Variants in DMGDH observed in about 807,000 individuals in gnomAD.
DMGDH encodes dimethylglycine dehydrogenase, mitochondrial.
In DMGDH, 76 loss-of-function variants were observed where a neutral mutation model predicts 95.2. That is an observed-to-expected ratio of 0.80 (90% confidence interval 0.66 to 0.97). The LOEUF (loss-of-function observed/expected upper bound fraction) is 0.97. Ranked by LOEUF, DMGDH falls within the 50% of genes least tolerant of loss-of-function variation. DMGDH has a pLI of 0.00. For missense variants in DMGDH, 987 were observed against 1,055.0 expected (o/e 0.94, Z 0.89); for synonymous variants, 345 against 377.6 (o/e 0.91, Z 1.00).
At chr5:79,066,198 T>C (rs547218928) in intron 1 of DMGDH, among the ~76,000 whole-genome samples, 17 of 152,342 alleles carry the variant, frequency 1.1e-4, no homozygotes, top group Non-Finnish European at 2.4e-4. Context: ...GGATTCTGTC[T>C]CTTTAATCCC....
intron 14 of DMGDH, among the ~76,000 whole-genome samples, chr5:79,017,389 A>G (rs1753754079): frequency 6.6e-6 from 1 of 152,234 alleles, no homozygotes. Flanking sequence ...TAGAAATGGC[A>G]GGGAGGCACA....
intron 2 of DMGDH, among the ~76,000 whole-genome samples, chr5:79,057,365 T>C (rs1229419084): frequency 6.6e-6 from 1 of 152,182 alleles, no homozygotes; most frequent in African/African-American, 2.4e-5. Context: ...AAAATCTACT[T>C]AGGAGTATTT....
chr5:79,058,464 C>T (rs1357607157), intron 2 of DMGDH, among the ~76,000 whole-genome samples: 2 of 152,164 alleles, frequency 1.3e-5, no homozygotes, highest in African/African-American at 4.8e-5. Context: ...TTGTTCTTAT[C>T]ACTCAGGATT....
chr5:79,015,925 C>T (rs1472823426), intron 14 of DMGDH, among the ~76,000 whole-genome samples: 1 of 152,096 alleles, frequency 6.6e-6, no homozygotes, highest in East Asian at 1.9e-4. Context: ...AAATCATTTG[C>T]TAAAAATCCA....
At chr5:79,010,551 T>A (rs1375128732) in intron 14 of DMGDH, among the ~76,000 whole-genome samples, 2 of 152,212 alleles carry the variant, frequency 1.3e-5, no homozygotes, top group Non-Finnish European at 2.9e-5. Context: ...TTGGTGATGA[T>A]GGAATGCTGT....
intron 15 of DMGDH, 58 bp downstream of exon 15, chr5:79,005,215 G>C (rs929563365): frequency 6.7e-5 from 108 of 1,608,102 alleles, no homozygotes; most frequent in Middle Eastern, 2.1e-4. Flanking sequence ...TAGGAACAAG[G>C]GGAGTTTCTG....
Position 79,044,308 on chromosome 5 carries a change from A to G in DMGDH, c.990T>C (p.Pro330=). ...ACTTTCATTTGCTGAACCCACCTGG[A>G]GGAACTCCATTGGTGACCCAGGAGT... ...VQDSWVTNGV[P]PGFGKELFES... is the part of the protein sequence containing the mutation. The change falls in exon 6 of 16, where the codon CCT becomes CCC. Residue 330 remains proline (P), a synonymous_variant. Coordinates refer to ENST00000255189, the MANE Select transcript of DMGDH (RefSeq NM_013391.3). 1 of 1,614,218 alleles carries G rather than the reference A, an allele frequency of 6.2e-7. No homozygotes were observed. Among genetic ancestry groups the G allele is most frequent in the Non-Finnish European group, 8.5e-7 (1 of 1,180,028 alleles).
intron 2 of DMGDH, 84 bp downstream of exon 2, chr5:79,063,529 C>G: frequency 6.5e-7 from 1 of 1,540,864 alleles, no homozygotes; most frequent in Non-Finnish European, 9.0e-7. Context: ...AAAGAGCTCA[C>G]AGTTGGGAGT....
chr5:79,033,359 T>C lies in DMGDH; in HGVS notation c.1243A>G (p.Ile415Val). The change falls in exon 8 of 16, where the codon ATC (isoleucine) becomes GTC (valine). Residue 415 changes from isoleucine to valine, a missense_variant. Physicochemically the swap from Ile to Val is conservative, Grantham distance 29. Transcript: ENST00000255189. ...TCAAAAGGAGGTTCTCCATGCAGGA[T>C]CCAGTCACTGAGATATTTCCCTACC... Reference protein sequence around the residue: ...GGVGKYLSDWILHGEPPFDLI... With the variant: ...GGVGKYLSDWVLHGEPPFDLI... The C allele has an allele frequency of 6.2e-7, 1 of 1,614,198 alleles. No individual in the cohort carries two copies. Among genetic ancestry groups the C allele is most frequent in the Non-Finnish European group, 8.5e-7 (1 of 1,180,046 alleles).
chr5:79,069,636 G>A lies in DMGDH; in HGVS notation c.-16C>T, dbSNP rs1315182853. Reference sequence around the variant, plus strand: ...GACGGAGCATGACTAGGCCGAGGCCGAGGGCGCAGGCGCCTGCTCCGAGGC... The same window carrying A: ...GACGGAGCATGACTAGGCCGAGGCCAAGGGCGCAGGCGCCTGCTCCGAGGC... On this transcript the variant is annotated 5_prime_UTR_variant, in exon 1 of 16. Coordinates refer to ENST00000255189, the MANE Select transcript of DMGDH (RefSeq NM_013391.3). The A allele has an allele frequency of 1.5e-6, 2 of 1,353,324 alleles. No homozygotes were observed. The highest frequency in any genetic ancestry group is 1.9e-6 in the Non-Finnish European group (2 of 1,053,348). The allele number at this position is 1,353,324 out of a possible 1,614,324, so 83.8% of individuals were successfully genotyped here. A position where few individuals can be genotyped will look rare whatever the true frequency, so the allele number is the denominator to read the frequency against.
chr5:79,031,906 C>T (rs1754187292), intron 9 of DMGDH, among the ~76,000 whole-genome samples: 1 of 152,302 alleles, frequency 6.6e-6, no homozygotes, highest in South Asian at 2.1e-4. Flanking sequence ...TCTAGATTGG[C>T]TGCTTATAAA....
intron 14 of DMGDH, among the ~76,000 whole-genome samples, chr5:79,019,482 A>G (rs7705658): frequency 0.33 from 50,012 of 151,622 alleles, 8,978 homozygotes; most frequent in African/African-American, 0.48. Context: ...TCACCTGTGG[A>G]GCTTTAAAAA....
chr5:79,064,475 G>A (rs1402879683), intron 1 of DMGDH, among the ~76,000 whole-genome samples: 4 of 152,100 alleles, frequency 2.6e-5, no homozygotes, highest in Non-Finnish European at 5.9e-5. Context: ...TGAATGTGAA[G>A]GCCTAGGACA....
intron 14 of DMGDH, among the ~76,000 whole-genome samples, chr5:79,012,837 G>A (rs1165782097): frequency 1.3e-5 from 2 of 152,246 alleles, no homozygotes; most frequent in Non-Finnish European, 2.9e-5. Flanking sequence ...TGCCATGCAA[G>A]GCAGTGGGGC....
intron 7 of DMGDH, among the ~76,000 whole-genome samples, chr5:79,038,777 G>C (rs1561220411): frequency 6.6e-6 from 1 of 152,072 alleles, no homozygotes; most frequent in Non-Finnish European, 1.5e-5. Context: ...CCAACCATGT[G>C]ATTAGAGAGT....
rs749293920 is a variant in DMGDH at position 79,044,402 on chromosome 5, T to G, written c.896A>C (p.Tyr299Ser). 1.2e-6 allele frequency: 2 copies of G among 1,614,220 alleles called. No individual in the cohort carries two copies. The highest frequency in any genetic ancestry group is 1.7e-6 in the Non-Finnish European group (2 of 1,180,032). ...PVLRDLEGSY[Y>S]LRQERDGLLF... is the part of the protein sequence containing the mutation. ...AAGCCCATCCCTTTCCTGTCGGAGA[T>G]AATATGATCCTTCCAGGTCACGGAG... is the stretch of plus-strand genomic sequence containing the variant. The change falls in exon 6 of 16, where the codon TAT becomes TCT. Residue 299 changes from tyrosine to serine, a missense_variant. Transcript: ENST00000255189.
intron 5 of DMGDH, among the ~76,000 whole-genome samples, chr5:79,048,282 T>C (rs1754737936): frequency 1.3e-5 from 2 of 152,190 alleles, no homozygotes; most frequent in Admixed American, 6.5e-5. Context: ...CTTACCCAAG[T>C]CACTCAGTTG....
intron 2 of DMGDH, among the ~76,000 whole-genome samples, chr5:79,060,475 A>C (rs1755166234): frequency 6.6e-6 from 1 of 152,224 alleles, no homozygotes; most frequent in Non-Finnish European, 1.5e-5. Flanking sequence ...CTCTCCAAGC[A>C]TTTGATTCCC....
intron 14 of DMGDH, among the ~76,000 whole-genome samples, chr5:79,007,923 C>A (rs532658492): frequency 1.3e-5 from 2 of 152,188 alleles, no homozygotes; most frequent in African/African-American, 4.8e-5. Flanking sequence ...ATTACTACAT[C>A]TCCTCAATGT....
Sources: allele counts gnomAD v4.1 joint callset (sites outside exome capture counted in the v4.1 genomes callset), GRCh38; gene constraint gnomAD v4.1.1; transcripts MANE v1.5; gene names NCBI Gene and HGNC (gene_info 2026-07-23, HGNC 2026-07-21).